Variants in TTC17 observed in about 807,000 individuals in gnomAD.
TTC17 encodes the protein tetratricopeptide repeat protein 17.
TTC17 carries 58 observed loss-of-function variants against 143.8 expected under a neutral mutation model. The ratio of observed to expected loss-of-function variants is 0.40; its 90% CI spans 0.33 to 0.50. The LOEUF is 0.50. Among genes scored for constraint, TTC17 ranks in the 20% least tolerant of loss-of-function variants. TTC17 has a pLI of 0.49. For missense variants in TTC17, 1,273 were observed against 1,392.5 expected (o/e 0.91, Z 1.37); for synonymous variants, 501 against 497.8 (o/e 1.01, Z -0.09).
chr11:43,452,754 G>T (rs1220431909), intron 21 of TTC17, among the ~76,000 whole-genome samples: 1 of 152,034 alleles, frequency 6.6e-6, no homozygotes, highest in Non-Finnish European at 1.5e-5. Context: ...GGGCAACATA[G>T]CGAGACCCTA....
intron 5 of TTC17, chr11:43,396,268 G>C (rs1857589094): frequency 6.6e-6 from 1 of 150,844 alleles, no homozygotes; most frequent in Non-Finnish European, 1.5e-5. Context: ...TTTAGAGTAA[G>C]CCTGTTGGTT....
intron 21 of TTC17, among the ~76,000 whole-genome samples, chr11:43,476,924 C>T (rs972396322): frequency 1.3e-5 from 2 of 152,214 alleles, no homozygotes; most frequent in African/African-American, 4.8e-5. Context: ...ATCGCATAGT[C>T]AGGCTGCAAA....
At chr11:43,493,119 T>C (rs908722372) in intron 23 of TTC17, among the ~76,000 whole-genome samples, 1 of 152,238 alleles carries the variant, frequency 6.6e-6, no homozygotes, top group East Asian at 1.9e-4. Context: ...CGAGGACTTA[T>C]GTCTCTCATT....
rs748528697 is a variant in TTC17, at chr11:43,404,194, A to G, written c.1479+50A>G. ...CAGTTTTCTCAAACTGGCAAGATCC[A>G]TTAAAGCAGTGGCCCTCAACCTCAC... On this transcript the variant is annotated intron_variant, in intron 11 of 23. Transcript: ENST00000039989. 4.5e-6 allele frequency: 7 copies of G among 1,563,486 alleles called. No individual in the cohort carries two copies. In the African/African-American group the frequency reaches 8.2e-5, roughly 18 times the overall value.
rs756900250 is a variant in TTC17 at position 43,407,436 on chromosome 11, T to C, written c.1923T>C (p.Cys641=). The C allele has an allele frequency of 5.6e-6, 9 of 1,614,046 alleles. No homozygotes were observed. In the East Asian group the frequency reaches 2.0e-4, roughly 36 times the overall value. ...GAAATAGCACTTTTGCTATTGCCTGTCTTCAGAGGGCTTTGAATTTAGCTC... is the reference window on the plus strand; with the variant it reads ...GAAATAGCACTTTTGCTATTGCCTGCCTTCAGAGGGCTTTGAATTTAGCTC... ...AVGNSTFAIA[C]LQRALNLAPL... is the part of the protein sequence containing the mutation. Residue 641 remains cysteine, a synonymous_variant, in exon 15 of 24, where the codon TGT becomes TGC. Coordinates refer to ENST00000039989, the MANE Select transcript of TTC17 (RefSeq NM_018259.6).
chr11:43,466,573 G>A lies in TTC17; in HGVS notation c.3030+15308G>A, dbSNP rs954775490. The A allele has an allele frequency of 3.5e-5, 9 of 259,896 alleles. No homozygotes were observed. The Admixed American group carries it at 3.5e-4, about 10-fold the overall frequency. The allele number at this position is 259,896 out of a possible 1,614,324, so 16.1% of individuals were successfully genotyped here. A position where few individuals can be genotyped will look rare whatever the true frequency, so the allele number is the denominator to read the frequency against. On this transcript the variant is annotated intron_variant, in intron 21 of 23. Transcript: ENST00000039989. The stretch of plus-strand genomic sequence containing the variant: ...ATTATTCCGGAGTTTATATGCCAGG[G>A]TGATGACTTCACACCCCATAATGGC...
intron 1 of TTC17, chr11:43,370,529 G>A (rs534633010): frequency 1.4e-5 from 2 of 147,380 alleles, no homozygotes; most frequent in East Asian, 4.0e-4. Flanking sequence ...GCTTATATTT[G>A]TCATTACAGT....
At chr11:43,397,240 A>C in intron 6 of TTC17, 107 bp from the exon 7 acceptor site, 2 of 1,252,178 alleles carry the variant, frequency 1.6e-6, no homozygotes, top group Non-Finnish European at 1.1e-6. Flanking sequence ...TGATTATCTT[A>C]TTTTCTCCAC....
chr11:43,403,875 T>G (rs943096389), intron 10 of TTC17, 123 bp from the exon 11 acceptor site: 12 of 740,106 alleles, frequency 1.6e-5, no homozygotes, highest in Non-Finnish European at 2.5e-5. Context: ...GCTTTATTAC[T>G]GAGCTACTTT....
Position 43,379,253 on chromosome 11 carries a change from G to A in TTC17, c.180G>A (p.Leu60=), listed in dbSNP as rs1407397226. The change falls in exon 2 of 24, where the codon TTG becomes TTA. Residue 60 remains leucine, a synonymous_variant. Coordinates refer to ENST00000039989, the MANE Select transcript of TTC17 (RefSeq NM_018259.6). ...TGCAGGTGGATTCACCAATGAACTT[G>A]AAGCATCCTCATGACCTAGTCATAT... is the stretch of plus-strand genomic sequence containing the variant. The part of the protein sequence containing the change: ...IQQQVDSPMN[L]KHPHDLVILM... 2.5e-6 allele frequency: 4 copies of A among 1,612,416 alleles called. No homozygotes were observed. The highest frequency in any genetic ancestry group is 3.4e-6 in the Non-Finnish European group (4 of 1,179,576).
intron 21 of TTC17, among the ~76,000 whole-genome samples, chr11:43,487,564 G>A (rs1383407606): frequency 6.6e-6 from 1 of 152,224 alleles, no homozygotes; most frequent in Non-Finnish European, 1.5e-5. Flanking sequence ...CACAGCAAGA[G>A]GCAATAGAGA....
At chr11:43,430,528 AGTCT>A (rs1380274118) in intron 16 of TTC17, among the ~76,000 whole-genome samples, 5 of 152,156 alleles carry the variant, frequency 3.3e-5, no homozygotes, top group Non-Finnish European at 7.4e-5. Flanking sequence ...ATTGTAAGGC[AGTCT>A]GTCTATTAAA....
At chr11:43,462,038 T>C (rs1273418921) in intron 21 of TTC17, among the ~76,000 whole-genome samples, 3 of 150,140 alleles carry the variant, frequency 2.0e-5, no homozygotes, top group Non-Finnish European at 4.4e-5. Context: ...AGCACATCAG[T>C]AGTTACATGG....
At chr11:43,486,446 T>C (rs1217642066) in intron 21 of TTC17, 2 of 453,202 alleles carry the variant, frequency 4.4e-6, no homozygotes. Context: ...AATGTATCCC[T>C]ATCAGGTAGG....
intron 16 of TTC17, among the ~76,000 whole-genome samples, chr11:43,416,258 A>C (rs1946776834): frequency 6.6e-6 from 1 of 152,086 alleles, no homozygotes; most frequent in Admixed American, 6.6e-5. Context: ...CCTTATAAAA[A>C]GGATTTTACT....
intron 1 of TTC17, among the ~76,000 whole-genome samples, chr11:43,371,044 TATCTC>T (rs796626897): frequency 9.9e-5 from 15 of 151,878 alleles, no homozygotes; most frequent in African/African-American, 2.7e-4. Flanking sequence ...GTCTTGAACT[TATCTC>T]AGGTGATCTT....
At chr11:43,361,107 G>A (rs1027379068) in intron 1 of TTC17, among the ~76,000 whole-genome samples, 1 of 152,178 alleles carries the variant, frequency 6.6e-6, no homozygotes, top group Non-Finnish European at 1.5e-5. Flanking sequence ...TAAAAGAATT[G>A]GGTGCTGTGG....
intron 21 of TTC17, among the ~76,000 whole-genome samples, chr11:43,461,390 C>CAAAAAAAAAAAAAAAA (rs750240102): frequency 2.8e-5 from 1 of 36,038 alleles, no homozygotes; most frequent in African/African-American, 1.0e-4. Flanking sequence ...AACTCCGTCT[C>CAAAAAAAAAAAAAAAA]AAAAAAAAAA....
intron 19 of TTC17, chr11:43,449,329 T>C (rs1048336142): frequency 1.3e-5 from 2 of 152,296 alleles, no homozygotes; most frequent in African/African-American, 4.8e-5. Flanking sequence ...GTTCTCACTG[T>C]GGGTTCTCAG....
Sources: gnomAD v4.1 joint callset for allele counts (sites outside exome capture counted in the v4.1 genomes callset) on GRCh38, gnomAD v4.1.1 for gene constraint, MANE v1.5 for transcripts, NCBI Gene and HGNC (gene_info 2026-07-23, HGNC 2026-07-21) for gene names.